Variants in LRRK2 observed in about 807,000 individuals in gnomAD.
LRRK2 encodes the protein leucine rich repeat kinase 2.
In LRRK2, 203 loss-of-function variants were observed where a neutral mutation model predicts 302.6. The observed-to-expected ratio is 0.67, with a 90% CI of 0.60 to 0.75. LRRK2 has a LOEUF of 0.75. Ranked by LOEUF, LRRK2 falls within the 30% of genes least tolerant of loss-of-function variation. The probability of loss-of-function intolerance (pLI) is 0.00; values close to 1 mark genes in which losing one functional copy is unlikely to be tolerated. For synonymous variants in LRRK2, 1,066 were observed against 1,031.9 expected (o/e 1.03, Z -0.63); for missense variants, 2,830 against 2,951.0 (o/e 0.96, Z 0.95).
At chr12:40,245,716 T>C (rs938556310) in intron 7 of LRRK2, among the ~76,000 whole-genome samples, 1 of 152,138 alleles carries the variant, frequency 6.6e-6, no homozygotes, top group Non-Finnish European at 1.5e-5. Flanking sequence ...TCTTATTTTT[T>C]ATTATTATTG....
At position 40,240,496 on chromosome 12, in the gene LRRK2, A is replaced by G. The variant is rs772429455; in HGVS notation, c.585A>G (p.Gln195=). ...HVLFERVSEE[Q]LTEFVENKDY... ...TTCATTTTTAAGTCTCAGAGGAGCA[A>G]CTGACTGAATTTGTTGAGAACAAAG... is the stretch of plus-strand genomic sequence containing the variant. The change falls in exon 6 of 51, where the codon CAA becomes CAG. Residue 195 remains glutamine, a synonymous_variant. Transcript: ENST00000298910. 1 of 1,612,986 alleles carries G rather than the reference A, an allele frequency of 6.2e-7. No homozygotes were observed. The highest frequency in any genetic ancestry group is 1.1e-5 in the South Asian group (1 of 91,050).
intron 40 of LRRK2, among the ~76,000 whole-genome samples, chr12:40,336,658 G>C (rs17491431): frequency 0.011 from 1,685 of 152,308 alleles, 38 homozygotes; most frequent in African/African-American, 0.039. Context: ...ATCCAGAAAT[G>C]TTCCTTCCTG....
At chr12:40,305,680 C>A in intron 27 of LRRK2, 105 bp from the exon 28 acceptor site, 1 of 971,194 alleles carries the variant, frequency 1.0e-6, no homozygotes. Flanking sequence ...GTTGTGCAAG[C>A]TGCTGATGGA....
intron 14 of LRRK2, among the ~76,000 whole-genome samples, chr12:40,265,309 G>A (rs1351464964): frequency 1.3e-5 from 2 of 152,190 alleles, no homozygotes; most frequent in African/African-American, 2.4e-5. Context: ...GTTGATGGCT[G>A]TTGTGAAACC....
chr12:40,334,866 C>A, intron 39 of LRRK2, 101 bp from the exon 40 acceptor site: 2 of 1,295,442 alleles, frequency 1.5e-6, no homozygotes, highest in Non-Finnish European at 2.2e-6. Flanking sequence ...TCCAGTCATA[C>A]AGAGAAATCC....
At chr12:40,365,775 T>C (rs1317995603) in intron 49 of LRRK2, 2 of 151,988 alleles carry the variant, frequency 1.3e-5, no homozygotes, top group East Asian at 3.9e-4. Context: ...AATATATTCA[T>C]TGCAAGTATA....
intron 33 of LRRK2, among the ~76,000 whole-genome samples, chr12:40,318,035 CAT>C (rs1278550891): frequency 6.6e-6 from 1 of 152,012 alleles, no homozygotes; most frequent in Non-Finnish European, 1.5e-5. Context: ...TGTGGCCTAT[CAT>C]ATGGCTAAGT....
chr12:40,295,571 T>C lies in LRRK2; in HGVS notation c.3023T>C (p.Val1008Ala), dbSNP rs758375289. 1.2e-6 allele frequency: 2 copies of C among 1,613,912 alleles called. No homozygotes were observed. The highest frequency in any genetic ancestry group is 1.7e-6 in the Non-Finnish European group (2 of 1,179,996). The change falls in exon 23 of 51, where the codon GTT (valine) becomes GCT (alanine). Residue 1008 changes from valine (V) to alanine (A), a missense_variant. By Grantham distance (64) the Val-to-Ala change is moderately conservative. Around this residue, in one of 3 missense-constraint regions of LRRK2, gnomAD observed 2,121 missense variants for 2,148.0 expected, o/e 0.99. Transcript: ENST00000298910. The part of the protein sequence containing the change: ...DALSQKCCIS[V>A]HLEHLEKLEL... The stretch of plus-strand genomic sequence containing the variant: ...CTAAGCCAGAAATGCTGTATAAGTG[T>C]TCATTTGGAGCATCTTGAAAAGCTG...
intron 25 of LRRK2, 34 bp from the exon 26 acceptor site, chr12:40,302,755 G>T (rs199493665): frequency 7.3e-7 from 1 of 1,374,510 alleles, no homozygotes; most frequent in Non-Finnish European, 1.0e-6. Flanking sequence ...TGGTTAAAAT[G>T]ATTAAAATGT....
intron 13 of LRRK2, among the ~76,000 whole-genome samples, chr12:40,261,519 T>C (rs1212047223): frequency 6.6e-6 from 1 of 152,162 alleles, no homozygotes; most frequent in Non-Finnish European, 1.5e-5. Context: ...AGTATGTAAG[T>C]ACATTCTTCT....
At chr12:40,255,454 C>T (rs1942461104) in intron 11 of LRRK2, among the ~76,000 whole-genome samples, 1 of 152,198 alleles carries the variant, frequency 6.6e-6, no homozygotes, top group Non-Finnish European at 1.5e-5. Flanking sequence ...GTAAAATGTT[C>T]TATAAAGTCT....
Position 40,310,471 on chromosome 12 carries a change from A to T in LRRK2, c.4358A>T (p.His1453Leu). 1 of 1,613,200 alleles carries T rather than the reference A, an allele frequency of 6.2e-7. No homozygotes were observed. Among genetic ancestry groups the T allele is most frequent in the South Asian group, 1.1e-5 (1 of 91,006 alleles). ...SSSPVILVGTHLDVSDEKQRK... is the reference protein window; with the variant it reads ...SSSPVILVGTLLDVSDEKQRK... ...TCCCCTGTGATTCTCGTTGGCACACATTTGGATGTTTCTGATGAGAAGCAA... is the reference window on the plus strand; with the variant it reads ...TCCCCTGTGATTCTCGTTGGCACACTTTTGGATGTTTCTGATGAGAAGCAA... Residue 1453 changes from histidine (H) to leucine (L), a missense_variant, in exon 31 of 51, where the codon CAT becomes CTT. Physicochemically the swap from His to Leu is moderately conservative, Grantham distance 99 (BLOSUM62 -3). Transcript: ENST00000298910.
intron 41 of LRRK2, 43 bp from the exon 42 acceptor site, chr12:40,346,710 C>G: frequency 6.3e-7 from 1 of 1,589,632 alleles, no homozygotes; most frequent in Non-Finnish European, 8.6e-7. Flanking sequence ...ATGTATGAGC[C>G]CTGATGTTGG....
intron 28 of LRRK2, among the ~76,000 whole-genome samples, chr12:40,307,074 C>T (rs1163905297): frequency 6.6e-6 from 1 of 151,000 alleles, no homozygotes; most frequent in Non-Finnish European, 1.5e-5. Flanking sequence ...TAATATATAA[C>T]TAAATATTTT....
chr12:40,263,992 G>C (rs945855761), intron 14 of LRRK2, 91 bp downstream of exon 14: 1 of 889,946 alleles, frequency 1.1e-6, no homozygotes. Context: ...TAAGTTTTCT[G>C]TTCTCCGTTT....
chr12:40,231,576 C>CAAAAAAAAAAAAAAAAAAACA (rs71078231), intron 2 of LRRK2, among the ~76,000 whole-genome samples: 1 of 105,868 alleles, frequency 9.4e-6, no homozygotes, highest in Non-Finnish European at 1.8e-5. Context: ...AAAACAAAAC[C>CAAAAAAAAAAAAAAAAAAACA]AAAAAAAAAA....
chr12:40,296,032 C>A (rs935258782), intron 23 of LRRK2, among the ~76,000 whole-genome samples: 2 of 152,146 alleles, frequency 1.3e-5, no homozygotes, highest in African/African-American at 2.4e-5. Context: ...AACTGTGTGA[C>A]AATATGAACA....
At chr12:40,304,794 T>C (rs1041117968) in intron 27 of LRRK2, 2 of 152,102 alleles carry the variant, frequency 1.3e-5, no homozygotes, top group Non-Finnish European at 2.9e-5. Flanking sequence ...GTTGTAAGCC[T>C]ACCCTATGGT....
chr12:40,348,505 C>T lies in LRRK2; in HGVS notation c.6377C>T (p.Ala2126Val). The T allele has an allele frequency of 1.2e-6, 2 of 1,601,694 alleles. No individual in the cohort carries two copies. Among genetic ancestry groups the T allele is most frequent in the Non-Finnish European group, 1.7e-6 (2 of 1,169,212 alleles). ...AATCCTCAAGAAAGGCCTACTTCTG[C>T]CCAGGTATTCTTAAAGTTTTGTTAA... ...KENPQERPTS[A>V]QVFDILNSAE... Residue 2126 changes from alanine (A) to valine (V), a missense_variant, in exon 43 of 51, where the codon GCC becomes GTC. Around this residue, in one of 3 missense-constraint regions of LRRK2, gnomAD observed 253 missense variants for 346.7 expected, o/e 0.73. Transcript: ENST00000298910.
Sources: allele counts gnomAD v4.1 joint callset (sites outside exome capture counted in the v4.1 genomes callset), GRCh38; gene constraint gnomAD v4.1.1; regional missense constraint gnomAD v4.1.1; transcripts MANE v1.5; gene names NCBI Gene and HGNC (gene_info 2026-07-23, HGNC 2026-07-21).